ANKRD30B: variants seen among roughly 807,000 people sequenced by gnomAD.
ANKRD30B encodes the protein ankyrin repeat domain-containing protein 30B.
In ANKRD30B, 144 loss-of-function variants were observed where a neutral mutation model predicts 202.2. That is an observed-to-expected ratio of 0.71 (90% CI 0.62 to 0.82). ANKRD30B has a LOEUF of 0.82. Ranked by LOEUF, ANKRD30B falls within the 40% of genes least tolerant of loss-of-function variation. The pLI is 0.00. For missense variants in ANKRD30B, 1,487 were observed against 1,669.1 expected (o/e 0.89, Z 1.90); for synonymous variants, 508 against 561.3 (o/e 0.91, Z 1.34).
the ANKRD30B span, among the ~76,000 whole-genome samples, chr18:14,866,453 G>A: frequency 1.3e-5 from 2 of 152,168 alleles, no homozygotes; most frequent in Admixed American, 6.5e-5. Flanking sequence ...GGCGGTAGGA[G>A]TGCAGCCTGA....
chr18:14,770,745 C>T (rs1403962111), intron 8 of ANKRD30B, among the ~76,000 whole-genome samples: 1 of 151,848 alleles, frequency 6.6e-6, no homozygotes, highest in Non-Finnish European at 1.5e-5. Flanking sequence ...TCAAAGACGT[C>T]CTGAATAGGT....
Position 14,752,635 on chromosome 18 carries a change from C to G in ANKRD30B, c.291C>G (p.Cys97Trp), listed in dbSNP as rs1913634921. 2 of 1,610,516 alleles carry G rather than the reference C, an allele frequency of 1.2e-6. No individual in the cohort carries two copies. Among genetic ancestry groups the G allele is most frequent in the African/African-American group, 1.3e-5 (1 of 74,812 alleles). Residue 97 changes from cysteine to tryptophan, a missense_variant, in exon 2 of 44, where the codon TGC becomes TGG. By Grantham distance (215) the Cys-to-Trp change is radical (BLOSUM62 -2). Transcript: ENST00000690538. Reference protein sequence around the residue: ...EVVTFLVDRKCQLNVLDGEGR... With the variant: ...EVVTFLVDRKWQLNVLDGEGR... Reference sequence around the variant, plus strand: ...TAACATTTCTGGTAGACAGAAAGTGCCAGCTTAATGTCCTTGATGGCGAAG... The same window carrying G: ...TAACATTTCTGGTAGACAGAAAGTGGCAGCTTAATGTCCTTGATGGCGAAG...
At chr18:14,781,611 C>T (rs1568004510) in intron 11 of ANKRD30B, among the ~76,000 whole-genome samples, 3 of 21,798 alleles carry the variant, frequency 1.4e-4, no homozygotes, top group African/African-American at 2.8e-4. Flanking sequence ...TATGTATTTG[C>T]GGCAGCACTC....
At chr18:14,891,931 G>T in the ANKRD30B span, among the ~76,000 whole-genome samples, 1 of 152,200 alleles carries the variant, frequency 6.6e-6, no homozygotes, top group African/African-American at 2.4e-5. Context: ...CAGCATATTT[G>T]CAATACCTCC....
chr18:14,808,608 T>C, intron 25 of ANKRD30B, 29 bp downstream of exon 25: 1 of 1,575,370 alleles, frequency 6.3e-7, no homozygotes, highest in Non-Finnish European at 8.7e-7. Flanking sequence ...CTATGTTGAA[T>C]ATTAACTACA....
intron 1 of ANKRD30B, among the ~76,000 whole-genome samples, chr18:14,749,814 G>A (rs1350393150): frequency 6.6e-6 from 1 of 151,268 alleles, no homozygotes. Context: ...ATGATCACAA[G>A]GATCATTATC....
At chr18:14,940,322 G>T in the ANKRD30B span, among the ~76,000 whole-genome samples, 3 of 152,236 alleles carry the variant, frequency 2.0e-5, no homozygotes, top group Non-Finnish European at 4.4e-5. Flanking sequence ...ACAAGCTGGG[G>T]CTCTGCCGCC....
At chr18:14,750,269 A>T (rs867845105) in intron 1 of ANKRD30B, among the ~76,000 whole-genome samples, 18 of 152,282 alleles carry the variant, frequency 1.2e-4, no homozygotes, top group African/African-American at 4.1e-4. Flanking sequence ...AAATTGGGCA[A>T]TTTAAGTTAG....
At chr18:14,846,837 T>C (rs564965861) in intron 39 of ANKRD30B, among the ~76,000 whole-genome samples, 2 of 151,840 alleles carry the variant, frequency 1.3e-5, no homozygotes, top group Non-Finnish European at 2.9e-5. Context: ...CTTATAGGTG[T>C]TATACAGGTA....
At position 14,755,006 on chromosome 18, in the gene ANKRD30B, G is replaced by T. The variant is rs752832686; in HGVS notation, c.617+1G>T. The T allele has an allele frequency of 2.8e-6, 4 of 1,454,140 alleles. No individual in the cohort carries two copies. The highest frequency in any genetic ancestry group is 3.6e-6 in the Non-Finnish European group (4 of 1,097,774). 90.1% of individuals were successfully genotyped at this position (1,454,140 alleles called of 1,614,324 possible). On this transcript the variant is annotated splice_donor_variant, in intron 4 of 43. Transcript: ENST00000690538. LOFTEE classifies it high-confidence loss of function. ...CAAACGCATTTAATGAGTCTAAATG[G>T]TATGGTAGTTCTTTTTTTTTACTAA...
the ANKRD30B span, among the ~76,000 whole-genome samples, chr18:14,926,632 A>AT: frequency 6.6e-6 from 1 of 152,298 alleles, no homozygotes; most frequent in East Asian, 1.9e-4. Context: ...AACATTTTAT[A>AT]TTTGTTACAT....
intron 33 of ANKRD30B, 94 bp from the exon 34 acceptor site, chr18:14,831,289 C>A: frequency 1.6e-6 from 1 of 637,198 alleles, no homozygotes; most frequent in Non-Finnish European, 2.5e-6. Flanking sequence ...GTTTTTTGTT[C>A]TCATTTTTTG....
In ANKRD30B at chr18:14,804,753, A is replaced by G. The variant is rs1041611944; in HGVS notation, c.2284+929A>G. Among the ~76,000 whole-genome samples, 20 of 150,924 alleles carry G rather than the reference A, an allele frequency of 1.3e-4. 1 individual carries two copies. Among genetic ancestry groups the G allele is most frequent in the African/African-American group, 4.4e-4 (18 of 40,786 alleles). On this transcript the variant is annotated intron_variant, in intron 24 of 43. Coordinates refer to ENST00000690538, the MANE Select transcript of ANKRD30B (RefSeq NM_001367607.2). ...ATAGAAATTGTAGATGGAAGATACT[A>G]CTTCTATACAAAGAAAAAGGAAAGA...
At chr18:14,789,182 T>C (rs1273426648) in intron 15 of ANKRD30B, among the ~76,000 whole-genome samples, 1 of 152,258 alleles carries the variant, frequency 6.6e-6, no homozygotes. Flanking sequence ...TTTGGATGCA[T>C]AAATGTCTTC....
At chr18:14,858,653 A>G (rs1384679983), downstream of ANKRD30B, among the ~76,000 whole-genome samples, 4 of 129,850 alleles carry the variant, frequency 3.1e-5, no homozygotes, top group South Asian at 2.5e-4. Flanking sequence ...GACGAAGGGC[A>G]GCCAGGCAGA....
the ANKRD30B span, among the ~76,000 whole-genome samples, chr18:14,927,668 T>G: frequency 6.6e-6 from 1 of 152,152 alleles, no homozygotes; most frequent in Non-Finnish European, 1.5e-5. Context: ...CTTTAAGATA[T>G]TAAATATTTT....
chr18:14,856,133 G>A (rs188085720), downstream of ANKRD30B, among the ~76,000 whole-genome samples: 4,165 of 142,612 alleles, frequency 0.029, 164 homozygotes, highest in African/African-American at 0.11. Context: ...CCAGGAAGAG[G>A]TGCTCCTCAC....
chr18:14,828,197 C>T (rs945113586), intron 32 of ANKRD30B, 81 bp from the exon 33 acceptor site: 14 of 1,061,824 alleles, frequency 1.3e-5, no homozygotes, highest in Admixed American at 9.8e-5. Context: ...CATGTGCCAT[C>T]GTGCCCTCTT....
chr18:14,928,223 G>A, the ANKRD30B span, among the ~76,000 whole-genome samples: 21 of 152,152 alleles, frequency 1.4e-4, 1 homozygote, highest in South Asian at 1.0e-3. Flanking sequence ...CTGCCTCGGC[G>A]TCCCAAAGTG....
Sources: gnomAD v4.1 joint callset for allele counts (sites outside exome capture counted in the v4.1 genomes callset) on GRCh38, gnomAD v4.1.1 for gene constraint, MANE v1.5 for transcripts, NCBI Gene and HGNC (gene_info 2026-07-23, HGNC 2026-07-21) for gene names.